Variants in TMPRSS15 observed in about 807,000 individuals in gnomAD.
The protein encoded by TMPRSS15 is enteropeptidase.
TMPRSS15 carries 128 observed loss-of-function variants against 125.3 expected under a neutral mutation model. The observed-to-expected ratio is 1.02, with a 90% CI of 0.89 to 1.18. The LOEUF (loss-of-function observed/expected upper bound fraction) is 1.18, where lower values mean the gene tolerates loss of function less well. Ranked by LOEUF, TMPRSS15 falls within the 50% of genes most tolerant of loss-of-function variation. The pLI is 0.00. For missense variants in TMPRSS15, 1,283 were observed against 1,212.7 expected (o/e 1.06, Z -0.86); for synonymous variants, 446 against 423.2 (o/e 1.05, Z -0.66).
chr21:18,307,267 C>A (rs1002493242), intron 18 of TMPRSS15, among the ~76,000 whole-genome samples: 3 of 152,130 alleles, frequency 2.0e-5, no homozygotes, highest in Admixed American at 6.5e-5. Flanking sequence ...TGACCTTCAT[C>A]AAAAATATTG....
At position 18,469,041 on chromosome 21, in the gene TMPRSS15, G is replaced by A. The variant is rs960230347; in HGVS notation, c.10+16758C>T. ...ATCACATGCTTTAACATAAATACCG[G>A]AGGAAAAAGCAATTGCAGCTGGCTG... On this transcript the variant is annotated intron_variant, in intron 1 of 7. Transcript: ENST00000422787. 3.9e-5 allele frequency among the ~76,000 whole-genome samples: 6 copies of A among 152,222 alleles called. No individual in the cohort carries two copies. The South Asian group carries it at 1.2e-3, about 32-fold the overall frequency.
At chr21:18,424,584 C>A (rs914770714) in intron 1 of TMPRSS15, among the ~76,000 whole-genome samples, 10 of 152,122 alleles carry the variant, frequency 6.6e-5, no homozygotes, top group Non-Finnish European at 1.5e-4. Flanking sequence ...AAAAAATAAG[C>A]AAGTCCTTGA....
chr21:18,460,757 A>C (rs1046425427), intron 1 of TMPRSS15: 1 of 152,216 alleles, frequency 6.6e-6, no homozygotes, highest in Non-Finnish European at 1.5e-5. Flanking sequence ...TCATCCACAT[A>C]ATGAAGGACC....
intron 22 of TMPRSS15, among the ~76,000 whole-genome samples, chr21:18,280,596 C>CAAACAAAAAAAAAAAAAAAAA (rs1246672347): frequency 2.9e-5 from 3 of 102,146 alleles, no homozygotes; most frequent in African/African-American, 1.4e-4. Context: ...AAAAAAAAAA[C>CAAACAAAAAAAAAAAAAAAAA]AACAAAACAA....
At chr21:18,480,674 C>T (rs1470281312) in intron 1 of TMPRSS15, among the ~76,000 whole-genome samples, 4 of 151,638 alleles carry the variant, frequency 2.6e-5, no homozygotes, top group Non-Finnish European at 5.9e-5. Context: ...ATTTATTTGT[C>T]AGAGAAAATG....
chr21:18,313,910 C>G (rs866872926), intron 17 of TMPRSS15, among the ~76,000 whole-genome samples: 2 of 140,784 alleles, frequency 1.4e-5, no homozygotes, highest in Admixed American at 1.4e-4. Context: ...AAAAAAAAAA[C>G]CACTTTCTTT....
chr21:18,333,139 GT>G (rs1163979787), intron 13 of TMPRSS15, among the ~76,000 whole-genome samples: 1 of 152,060 alleles, frequency 6.6e-6, no homozygotes, highest in East Asian at 1.9e-4. Flanking sequence ...AAAATCACTT[GT>G]GAGTACTAGG....
chr21:18,466,174 T>C (rs1978656409), intron 1 of TMPRSS15, among the ~76,000 whole-genome samples: 1 of 152,222 alleles, frequency 6.6e-6, no homozygotes, highest in South Asian at 2.1e-4. Flanking sequence ...GGATTCCCTA[T>C]TTAATAAATG....
At chr21:18,456,290 T>A (rs1163538603) in intron 1 of TMPRSS15, among the ~76,000 whole-genome samples, 5 of 152,106 alleles carry the variant, frequency 3.3e-5, no homozygotes, top group African/African-American at 1.2e-4. Flanking sequence ...TAAAATAGAA[T>A]GATTGTCTAA....
chr21:18,343,384 A>T, intron 12 of TMPRSS15, 122 bp downstream of exon 12: 1 of 896,256 alleles, frequency 1.1e-6, no homozygotes, highest in Non-Finnish European at 1.7e-6. Flanking sequence ...TAGATTGGGC[A>T]AGTAGAGAAA....
chr21:18,420,232 G>A (rs2076189422), intron 1 of TMPRSS15, among the ~76,000 whole-genome samples: 1 of 152,180 alleles, frequency 6.6e-6, no homozygotes, highest in Non-Finnish European at 1.5e-5. Flanking sequence ...GTTTGGATGA[G>A]GCAATGTTAG....
chr21:18,278,824 C>T (rs188134114), intron 23 of TMPRSS15, 140 bp downstream of exon 23: 225 of 592,600 alleles, frequency 3.8e-4, no homozygotes, highest in Non-Finnish European at 5.1e-4. Flanking sequence ...ACATGCTTGA[C>T]GGTACTTTTA....
chr21:18,428,566 A>T (rs1392577226), intron 1 of TMPRSS15, among the ~76,000 whole-genome samples: 1 of 152,084 alleles, frequency 6.6e-6, no homozygotes, highest in Non-Finnish European at 1.5e-5. Flanking sequence ...GGTGCTCTGC[A>T]TTCCAACTTT....
intron 1 of TMPRSS15, among the ~76,000 whole-genome samples, chr21:18,435,452 G>T (rs1353600387): frequency 6.6e-6 from 1 of 152,070 alleles, no homozygotes; most frequent in Non-Finnish European, 1.5e-5. Flanking sequence ...TGCGTATATT[G>T]AACCAGTCTT....
intron 21 of TMPRSS15, among the ~76,000 whole-genome samples, chr21:18,292,539 T>C (rs2074850883): frequency 6.6e-6 from 1 of 152,224 alleles, no homozygotes; most frequent in African/African-American, 2.4e-5. Context: ...CTATTAGAAG[T>C]ACATCTGTAA....
At chr21:18,455,564 G>T (rs953202108) in intron 1 of TMPRSS15, among the ~76,000 whole-genome samples, 2 of 152,130 alleles carry the variant, frequency 1.3e-5, no homozygotes, top group Admixed American at 1.3e-4. Flanking sequence ...CTAGATGTGG[G>T]AATTATATAT....
chr21:18,388,459 A>T (rs1056413098), intron 3 of TMPRSS15, among the ~76,000 whole-genome samples: 1 of 152,194 alleles, frequency 6.6e-6, no homozygotes, highest in Non-Finnish European at 1.5e-5. Flanking sequence ...AAATTTTCCC[A>T]ACCTAATGTA....
At chr21:18,317,248 C>A (rs958960522) in intron 16 of TMPRSS15, among the ~76,000 whole-genome samples, 34 of 152,010 alleles carry the variant, frequency 2.2e-4, no homozygotes, top group Admixed American at 2.1e-3. Context: ...AGACTCACAT[C>A]TGAGAGTACT....
rs775199153 is a variant in TMPRSS15, at chr21:18,270,167, A to G, written c.2905-43T>C. On this transcript the variant is annotated intron_variant, in intron 24 of 24. Coordinates refer to ENST00000284885, the MANE Select transcript of TMPRSS15 (RefSeq NM_002772.3). ...AAACAAAATTGTAGATATGTGGTCA[A>G]TTGATCGAAACATATAAAATTATTT... The G allele has an allele frequency of 4.6e-6, 7 of 1,526,882 alleles. No homozygotes were observed. In the South Asian group the frequency reaches 6.8e-5, roughly 15 times the overall value. The allele number at this position is 1,526,882 out of a possible 1,614,324, so 94.6% of individuals were successfully genotyped here.
Sources: allele counts gnomAD v4.1 joint callset (sites outside exome capture counted in the v4.1 genomes callset), GRCh38; gene constraint gnomAD v4.1.1; transcripts MANE v1.5; gene names NCBI Gene and HGNC (gene_info 2026-07-23, HGNC 2026-07-21).